MPHOSPH10: variants seen among roughly 807,000 people sequenced by gnomAD.
MPHOSPH10 encodes U3 small nucleolar ribonucleoprotein MPP10.
Under a neutral mutation model 77.3 loss-of-function variants are expected in MPHOSPH10, and 33 were observed. The observed-to-expected ratio is 0.43, with a 90% CI of 0.32 to 0.57. MPHOSPH10 has a LOEUF of 0.57. Ranked by LOEUF, MPHOSPH10 falls within the 20% of genes least tolerant of loss-of-function variation. The pLI is 0.07. For synonymous variants in MPHOSPH10, 245 were observed against 268.0 expected, an observed-to-expected ratio of 0.91 and a Z score of 0.84; for missense variants, 708 against 780.1, an observed-to-expected ratio of 0.91 and a Z score of 1.10.
intron 5 of MPHOSPH10, among the ~76,000 whole-genome samples, 193 bp from the exon 6 acceptor site, chr2:71,139,602 A>G (rs1249108566): frequency 1.3e-5 from 2 of 152,260 alleles, no homozygotes; most frequent in African/African-American, 4.8e-5. Context: ...TTCAGGGAGC[A>G]TCACAAGGCT....
In MPHOSPH10 at chr2:71,133,247, G is replaced by C. The variant is rs1185357855; in HGVS notation, c.439G>C (p.Glu147Gln). 3 of 1,614,148 alleles carry C rather than the reference G, an allele frequency of 1.9e-6. No individual in the cohort carries two copies. Among genetic ancestry groups the C allele is most frequent in the South Asian group, 2.2e-5 (2 of 91,070 alleles). Residue 147 changes from glutamate (E) to glutamine (Q), a missense_variant, in exon 2 of 11, where the codon GAA becomes CAA. This residue lies in a region of MPHOSPH10 where 433 missense variants were observed against 432.6 expected (regional missense o/e 1.00). Coordinates refer to ENST00000244230, the MANE Select transcript of MPHOSPH10 (RefSeq NM_005791.3). ...GTCCGACATGGGTAATGATGATCCT[G>C]AAATGGGTGAGAGAGCTGAAAACTC... The part of the protein sequence containing the change: ...EVSDMGNDDP[E>Q]MGERAENSSK...
At chr2:71,149,641 C>T (rs771746471) in intron 10 of MPHOSPH10, among the ~76,000 whole-genome samples, 188 bp downstream of exon 10, 8 of 152,184 alleles carry the variant, frequency 5.3e-5, no homozygotes, top group Non-Finnish European at 7.3e-5. Context: ...TCACAATAAC[C>T]TGGGTCCTGG....
intron 2 of MPHOSPH10, 71 bp downstream of exon 2, chr2:71,133,647 T>A: frequency 7.0e-7 from 1 of 1,420,464 alleles, no homozygotes; most frequent in Non-Finnish European, 9.5e-7. Context: ...CTAGGAGAGA[T>A]TTAATTGTAG....
chr2:71,132,357 T>C (rs961737611), intron 1 of MPHOSPH10, among the ~76,000 whole-genome samples: 3 of 152,192 alleles, frequency 2.0e-5, no homozygotes, highest in Non-Finnish European at 4.4e-5. Context: ...TCTCTCCAGC[T>C]TCACCCTCTG....
chr2:71,149,667 C>T lies in MPHOSPH10; in HGVS notation c.1897-199C>T, dbSNP rs567791425. On this transcript the variant is annotated intron_variant, in intron 10 of 10. Transcript: ENST00000244230. ...TGGGTCCTGGCAGCAGCTTGTCTTC[C>T]ACTCCTTTCTCTCTTAGATTATAAG... Among the ~76,000 whole-genome samples, 7 of 152,314 alleles carry T rather than the reference C, an allele frequency of 4.6e-5. No individual in the cohort carries two copies. The East Asian group carries it at 1.2e-3, about 25-fold the overall frequency.
intron 4 of MPHOSPH10, among the ~76,000 whole-genome samples, chr2:71,137,175 T>G (rs1256846663): frequency 6.6e-6 from 1 of 152,068 alleles, no homozygotes; most frequent in East Asian, 1.9e-4. Flanking sequence ...TCTAATTTTT[T>G]TTTTCACTCC....
At position 71,146,459 on chromosome 2, in the gene MPHOSPH10, C is replaced by A. The variant is rs182355326; in HGVS notation, c.1558-1540C>A. On this transcript the variant is annotated intron_variant, in intron 8 of 10. Transcript: ENST00000244230. ...TAAGCGATTCTCCTGCCTCGGCCTC[C>A]CGAGTAGCTGGGACTACAGGCATGC... Among the ~76,000 whole-genome samples the A allele has an allele frequency of 2.4e-3, 368 of 151,742 alleles. 3 individuals carry two copies. The highest frequency in any genetic ancestry group is 8.3e-3 in the African/African-American group (344 of 41,380).
chr2:71,134,822 T>A (rs765009581), intron 4 of MPHOSPH10, 25 bp downstream of exon 4: 8 of 1,486,770 alleles, frequency 5.4e-6, no homozygotes, highest in Non-Finnish European at 7.4e-6. Context: ...AAGGAATTTT[T>A]AATATACTTG....
chr2:71,133,299 C>G lies in MPHOSPH10; in HGVS notation c.491C>G (p.Pro164Arg), dbSNP rs537224547. 1.2e-5 allele frequency: 19 copies of G among 1,614,050 alleles called. 1 individual carries two copies. In the South Asian group the frequency reaches 2.0e-4, roughly 17 times the overall value. ...AGCAAATCTGATCTGAGGAAAAGCC[C>G]CGTTTTCAGTGATGAGGATTCTGAC... ...NSSKSDLRKS[P>R]VFSDEDSDLD... The change falls in exon 2 of 11, where the codon CCC (proline) becomes CGC (arginine). Residue 164 changes from proline to arginine, a missense_variant. Pro to Arg is a moderately radical substitution (Grantham distance 103). Transcript: ENST00000244230.
At chr2:71,142,777 T>C (rs1194012899) in intron 7 of MPHOSPH10, among the ~76,000 whole-genome samples, 2 of 152,102 alleles carry the variant, frequency 1.3e-5, no homozygotes, top group African/African-American at 4.8e-5. Context: ...GGCTGGAAGG[T>C]GGGTGCTGAT....
At chr2:71,137,484 C>T (rs905852364) in intron 4 of MPHOSPH10, among the ~76,000 whole-genome samples, 1 of 151,836 alleles carries the variant, frequency 6.6e-6, no homozygotes, top group Non-Finnish European at 1.5e-5. Context: ...CATGGTAAGA[C>T]CTCGTCTCTA....
At chr2:71,146,760 T>A (rs1052364026) in intron 8 of MPHOSPH10, among the ~76,000 whole-genome samples, 6 of 152,226 alleles carry the variant, frequency 3.9e-5, no homozygotes, top group Non-Finnish European at 5.9e-5. Context: ...TCTTTCACAC[T>A]CTCATTTTTC....
Position 71,130,761 on chromosome 2 carries a change from G to T in MPHOSPH10, c.89+7G>T. 1.2e-6 allele frequency: 2 copies of T among 1,601,484 alleles called. No homozygotes were observed. Among genetic ancestry groups the T allele is most frequent in the Non-Finnish European group, 1.7e-6 (2 of 1,172,600 alleles). On this transcript the variant is annotated splice_region_variant and intron_variant, in intron 1 of 10. Transcript: ENST00000244230. ...GGCCCGAGTGCTTCCTCACGTAAGT[G>T]CGCAGATCCCGGGCTCGGGGTGCGA...
In MPHOSPH10 at chr2:71,130,731, G is replaced by A. The variant is rs778915859; in HGVS notation, c.66G>A (p.Thr22=). ...ERCLTEVGKA[T]GRPECFLTIQ... is the part of the protein sequence containing the mutation. ...GTCTGACGGAAGTCGGCAAAGCCACGGGTCGGCCCGAGTGCTTCCTCACGT... is the reference window on the plus strand; with the variant it reads ...GTCTGACGGAAGTCGGCAAAGCCACAGGTCGGCCCGAGTGCTTCCTCACGT... The change falls in exon 1 of 11, where the codon ACG becomes ACA. Residue 22 remains threonine, a synonymous_variant. Coordinates refer to ENST00000244230, the MANE Select transcript of MPHOSPH10 (RefSeq NM_005791.3). 6.2e-7 allele frequency: 1 copy of A among 1,610,350 alleles called. No individual in the cohort carries two copies. Among genetic ancestry groups the A allele is most frequent in the South Asian group, 1.1e-5 (1 of 90,794 alleles).
intron 2 of MPHOSPH10, 75 bp from the exon 3 acceptor site, chr2:71,133,873 C>A: frequency 9.6e-7 from 1 of 1,045,524 alleles, no homozygotes; most frequent in South Asian, 1.9e-5. Flanking sequence ...ATACAATATA[C>A]ATGCAAATCT....
At chr2:71,141,622 A>G (rs1470826305) in intron 7 of MPHOSPH10, among the ~76,000 whole-genome samples, 1 of 152,200 alleles carries the variant, frequency 6.6e-6, no homozygotes, top group African/African-American at 2.4e-5. Context: ...TCTAGCAATT[A>G]TGGTGGTGCT....
Position 71,149,244 on chromosome 2 carries a change from A to G in MPHOSPH10, c.1687A>G (p.Ile563Val). The G allele has an allele frequency of 6.3e-7, 1 of 1,575,044 alleles. No homozygotes were observed. The highest frequency in any genetic ancestry group is 8.6e-7 in the Non-Finnish European group (1 of 1,161,368). ...ATAGGAGAAAAATAAAGCTGGAGAT[A>G]TAAAAACAGCTGCTGAAAAAACAGC... ...EIKEKNKAGD[I>V]KTAAEKTATD... Residue 563 changes from isoleucine (I) to valine (V), a missense_variant, in exon 10 of 11, where the codon ATA becomes GTA. Ile to Val is a conservative substitution (Grantham distance 29). Around this residue, in one of 3 missense-constraint regions of MPHOSPH10, gnomAD observed 263 missense variants for 320.0 expected, o/e 0.82. Transcript: ENST00000244230.
intron 3 of MPHOSPH10, 97 bp downstream of exon 3, chr2:71,134,202 T>A (rs9941620): frequency 8.4e-7 from 1 of 1,185,242 alleles, no homozygotes; most frequent in African/African-American, 1.6e-5. Context: ...TAGCAAGTTC[T>A]ATTCTCTAAT....
intron 7 of MPHOSPH10, 95 bp from the exon 8 acceptor site, chr2:71,144,333 T>A: frequency 2.2e-6 from 2 of 916,796 alleles, no homozygotes; most frequent in Non-Finnish European, 3.3e-6. Context: ...GCTTTAGTGA[T>A]GAGAAGTTAG....
Sources: gnomAD v4.1 joint callset for allele counts (sites outside exome capture counted in the v4.1 genomes callset) on GRCh38, gnomAD v4.1.1 for gene constraint, gnomAD v4.1.1 regional missense constraint, MANE v1.5 for transcripts, NCBI Gene and HGNC (gene_info 2026-07-23, HGNC 2026-07-21) for gene names.